STARD3NL: variants seen among roughly 807,000 people sequenced by gnomAD.
STARD3NL encodes the protein STARD3 N-terminal like.
STARD3NL carries 17 observed loss-of-function variants against 30.9 expected under a neutral mutation model. The observed-to-expected ratio is 0.55, with a 90% CI of 0.38 to 0.82. STARD3NL has a LOEUF of 0.82. Ranked by LOEUF, STARD3NL falls within the 40% of genes least tolerant of loss-of-function variation. STARD3NL has a pLI of 0.00. For missense variants in STARD3NL, 234 were observed against 277.6 expected (o/e 0.84, Z 1.12); for synonymous variants, 112 against 100.5 (o/e 1.11, Z -0.69).
At chr7:38,190,461 G>C (rs1193235660) in intron 1 of STARD3NL, among the ~76,000 whole-genome samples, 3 of 152,154 alleles carry the variant, frequency 2.0e-5, no homozygotes, top group African/African-American at 7.2e-5. Context: ...TTGTGTGTAT[G>C]TGTGTATATA....
At chr7:38,212,770 A>G (rs1012540625) in intron 2 of STARD3NL, among the ~76,000 whole-genome samples, 1 of 152,204 alleles carries the variant, frequency 6.6e-6, no homozygotes, top group Non-Finnish European at 1.5e-5. Flanking sequence ...AGACTTGTTG[A>G]TAGGCCGATT....
chr7:38,207,586 A>G lies in STARD3NL; in HGVS notation c.82A>G (p.Ile28Val), dbSNP rs1785559668. ...SHASLRNIHSINPTQLMARIE... is the reference protein window; with the variant it reads ...SHASLRNIHSVNPTQLMARIE... ...TGCTTCTCTGCGCAATATCCATTCC[A>G]TCAACCCCACACAACTCATGGCCAG... is the stretch of plus-strand genomic sequence containing the variant. The change falls in exon 2 of 9, where the codon ATC becomes GTC. Residue 28 changes from isoleucine to valine, a missense_variant. Transcript: ENST00000009041. The G allele has an allele frequency of 3.7e-6, 6 of 1,614,092 alleles. No individual in the cohort carries two copies. The highest frequency in any genetic ancestry group is 5.1e-6 in the Non-Finnish European group (6 of 1,179,956).
chr7:38,194,350 G>A (rs923589389), intron 1 of STARD3NL, among the ~76,000 whole-genome samples: 1 of 151,928 alleles, frequency 6.6e-6, no homozygotes, highest in Non-Finnish European at 1.5e-5. Flanking sequence ...TAGAGTTTTT[G>A]TTATAAAGAG....
intron 4 of STARD3NL, chr7:38,216,208 A>G (rs1001942028): frequency 6.6e-6 from 1 of 152,200 alleles, no homozygotes; most frequent in African/African-American, 2.4e-5. Flanking sequence ...TGTTTGACAT[A>G]TAGATATTCA....
intron 1 of STARD3NL, among the ~76,000 whole-genome samples, chr7:38,184,862 A>G (rs1213825825): frequency 6.7e-6 from 1 of 149,568 alleles, no homozygotes. Flanking sequence ...ATGTATTTCC[A>G]TAGTCATAAT....
chr7:38,206,802 G>T (rs1373528896), intron 1 of STARD3NL, among the ~76,000 whole-genome samples: 1 of 152,128 alleles, frequency 6.6e-6, no homozygotes, highest in African/African-American at 2.4e-5. Context: ...GCAGTGTCTT[G>T]CTCTGTTACC....
intron 7 of STARD3NL, among the ~76,000 whole-genome samples, chr7:38,227,414 C>G (rs925654659): frequency 4.6e-5 from 7 of 152,200 alleles, no homozygotes; most frequent in Non-Finnish European, 1.0e-4. Flanking sequence ...ATTCATTTTA[C>G]TACAAATTCA....
intron 7 of STARD3NL, among the ~76,000 whole-genome samples, chr7:38,224,609 G>C (rs1185055109): frequency 6.6e-6 from 1 of 151,826 alleles, no homozygotes; most frequent in Non-Finnish European, 1.5e-5. Flanking sequence ...TCATCCCTCT[G>C]TCCAGCAGAT....
intron 8 of STARD3NL, 128 bp from the exon 9 acceptor site, chr7:38,229,795 A>G (rs1272303600): frequency 1.3e-5 from 2 of 152,204 alleles, no homozygotes; most frequent in African/African-American, 4.8e-5. Flanking sequence ...GACCACACGC[A>G]TGGTCCTTCG....
chr7:38,184,341 T>C (rs2115917216), intron 1 of STARD3NL, among the ~76,000 whole-genome samples: 1 of 152,118 alleles, frequency 6.6e-6, no homozygotes, highest in South Asian at 2.1e-4. Context: ...TTCCTATAGA[T>C]ACTTTAGGCT....
intron 7 of STARD3NL, among the ~76,000 whole-genome samples, chr7:38,224,247 A>T (rs1012158567): frequency 1.3e-5 from 2 of 152,328 alleles, no homozygotes; most frequent in South Asian, 4.1e-4. Context: ...TATTATAAGT[A>T]TATCCAGCTA....
chr7:38,192,800 A>T (rs1265388778), intron 1 of STARD3NL, among the ~76,000 whole-genome samples: 1 of 152,202 alleles, frequency 6.6e-6, no homozygotes, highest in African/African-American at 2.4e-5. Flanking sequence ...GATTTCTGGC[A>T]TCCACTGATA....
chr7:38,202,642 T>C lies in STARD3NL; in HGVS notation c.-58-4805T>C, dbSNP rs1785239200. ...ACAACGTGCAGGTTAGTTACATATG[T>C]ATACATGTGCCATGTTGGTGTGCTG... On this transcript the variant is annotated intron_variant, in intron 1 of 8. Coordinates refer to ENST00000009041, the MANE Select transcript of STARD3NL (RefSeq NM_032016.4). 2.0e-5 allele frequency among the ~76,000 whole-genome samples: 3 copies of C among 152,114 alleles called. No homozygotes were observed. In the South Asian group the frequency reaches 6.2e-4, roughly 32 times the overall value.
Position 38,186,351 on chromosome 7 carries a change from A to T in STARD3NL, c.-59+7931A>T, listed in dbSNP as rs1784457095. Among the ~76,000 whole-genome samples the T allele has an allele frequency of 2.0e-5, 3 of 152,198 alleles. No homozygotes were observed. The South Asian group carries it at 6.2e-4, about 32-fold the overall frequency. ...CTAAAAGTAGATTTTGTTATGAGGG[A>T]CCAAGGAAAAGTTCTGGAAAAAGAT... On this transcript the variant is annotated intron_variant, in intron 1 of 8. Coordinates refer to ENST00000009041, the MANE Select transcript of STARD3NL (RefSeq NM_032016.4).
intron 1 of STARD3NL, among the ~76,000 whole-genome samples, chr7:38,181,995 A>G (rs572862453): frequency 9.2e-5 from 14 of 152,290 alleles, no homozygotes; most frequent in African/African-American, 3.1e-4. Flanking sequence ...CCGTGTCTCT[A>G]TAACAGAAGC....
chr7:38,211,633 C>A (rs1337114828), intron 2 of STARD3NL, among the ~76,000 whole-genome samples: 2 of 152,138 alleles, frequency 1.3e-5, no homozygotes, highest in Non-Finnish European at 2.9e-5. Context: ...TGAGCTGTTA[C>A]AGATTCTGGA....
At chr7:38,209,011 T>C (rs1785643539) in intron 2 of STARD3NL, among the ~76,000 whole-genome samples, 1 of 152,140 alleles carries the variant, frequency 6.6e-6, no homozygotes, top group Non-Finnish European at 1.5e-5. Context: ...TAGAAAATAA[T>C]ATTTGTCCCA....
At chr7:38,187,945 C>T (rs1349686857) in intron 1 of STARD3NL, among the ~76,000 whole-genome samples, 1 of 152,130 alleles carries the variant, frequency 6.6e-6, no homozygotes, top group African/African-American at 2.4e-5. Flanking sequence ...AATCTGTCGC[C>T]AAATGCTTTG....
chr7:38,229,521 TGTA>T (rs1786978039), intron 8 of STARD3NL, among the ~76,000 whole-genome samples: 1 of 152,190 alleles, frequency 6.6e-6, no homozygotes, highest in African/African-American at 2.4e-5. Context: ...TGAAGTAAAT[TGTA>T]GTAGCAGCAA....
Sources: gnomAD v4.1 joint callset for allele counts (sites outside exome capture counted in the v4.1 genomes callset) on GRCh38, gnomAD v4.1.1 for gene constraint, MANE v1.5 for transcripts, NCBI Gene and HGNC (gene_info 2026-07-23, HGNC 2026-07-21) for gene names.